The following UNC13B variants were observed in gnomAD, a reference collection of about 807,000 sequenced individuals.
The protein encoded by UNC13B is protein unc-13 homolog B.
In UNC13B, 144 loss-of-function variants were observed where a neutral mutation model predicts 211.0. The observed-to-expected ratio is 0.68, with a 90% CI of 0.60 to 0.78. The LOEUF (loss-of-function observed/expected upper bound fraction) is 0.78. Among genes scored for constraint, UNC13B ranks in the 30% least tolerant of loss-of-function variants. The pLI, the probability that UNC13B is intolerant of heterozygous loss-of-function variation, is 0.00. For synonymous variants in UNC13B, 709 were observed against 725.8 expected, an observed-to-expected ratio of 0.98 and a Z score of 0.37; for missense variants, 1,777 against 2,002.0, an observed-to-expected ratio of 0.89 and a Z score of 2.14.
chr9:35,303,561 C>T lies in UNC13B; in HGVS notation c.4157C>T (p.Ser1386Leu). ...YYMLNQNRFLSADACLWLDSE... is the reference protein window; with the variant it reads ...YYMLNQNRFLLADACLWLDSE... ...ATGTTAAATCAAAATAGATTTCTATCAGCCGATGCTTGCTTGTGGCTTGAC... is the reference window on the plus strand; with the variant it reads ...ATGTTAAATCAAAATAGATTTCTATTAGCCGATGCTTGCTTGTGGCTTGAC... The change falls in exon 9 of 40, where the codon TCA becomes TTA. Residue 1386 changes from serine to leucine, a missense_variant. By Grantham distance (145) the Ser-to-Leu change is moderately radical (BLOSUM62 -2). Transcript: ENST00000635942. 2 of 398,768 alleles carry T rather than the reference C, an allele frequency of 5.0e-6. No homozygotes were observed. Among genetic ancestry groups the T allele is most frequent in the East Asian group, 7.1e-5 (2 of 28,070 alleles). 24.7% of individuals were successfully genotyped at this position (398,768 alleles called of 1,614,324 possible).
At chr9:35,211,017 G>A (rs1177589208) in intron 1 of UNC13B, among the ~76,000 whole-genome samples, 1 of 152,126 alleles carries the variant, frequency 6.6e-6, no homozygotes, top group Non-Finnish European at 1.5e-5. Flanking sequence ...CTACAGGAGT[G>A]CAATACTGTG....
intron 26 of UNC13B, among the ~76,000 whole-genome samples, chr9:35,395,191 G>A (rs1835793302): frequency 6.6e-6 from 1 of 152,036 alleles, no homozygotes; most frequent in South Asian, 2.1e-4. Flanking sequence ...TCTGTCACAA[G>A]CAACCACTGT....
intron 11 of UNC13B, among the ~76,000 whole-genome samples, chr9:35,360,325 A>G (rs1017268859): frequency 1.3e-5 from 2 of 152,212 alleles, no homozygotes; most frequent in Non-Finnish European, 2.9e-5. Flanking sequence ...GTCTGTTAGG[A>G]ATTTTGGCTT....
intron 11 of UNC13B, among the ~76,000 whole-genome samples, chr9:35,328,643 CCTT>C (rs1831169392): frequency 1.8e-5 from 2 of 114,150 alleles, no homozygotes; most frequent in Non-Finnish European, 3.5e-5. Context: ...TTCCTTCCTT[CCTT>C]CCTTCCTTCC....
rs1386196974 is a variant in UNC13B at position 35,306,839 on chromosome 9, C to T, written c.7435C>T (p.Leu2479Phe). The T allele has an allele frequency of 2.5e-6, 1 of 398,942 alleles. No individual in the cohort carries two copies. Among genetic ancestry groups the T allele is most frequent in the Admixed American group, 4.4e-5 (1 of 22,710 alleles). 24.7% of individuals were successfully genotyped at this position (398,942 alleles called of 1,614,324 possible). A position where few individuals can be genotyped will look rare whatever the true frequency, so the allele number is the denominator to read the frequency against. The change falls in exon 9 of 40, where the codon CTC (leucine) becomes TTC (phenylalanine). Residue 2479 changes from leucine to phenylalanine, a missense_variant. Transcript: ENST00000635942. The stretch of plus-strand genomic sequence containing the variant: ...GAGCTTAATTGAACCTCCCAAAACA[C>T]TCTCTGGACTTTTCTCCTCTCCTAA... ...SGSLIEPPKTLSGLFSSPKSP... is the reference protein window; with the variant it reads ...SGSLIEPPKTFSGLFSSPKSP...
intron 5 of UNC13B, among the ~76,000 whole-genome samples, chr9:35,240,356 A>G (rs1293877034): frequency 6.6e-6 from 1 of 152,174 alleles, no homozygotes; most frequent in African/African-American, 2.4e-5. Flanking sequence ...TTATGATCTC[A>G]GTGTATTTGT....
intron 30 of UNC13B, 49 bp from the exon 31 acceptor site, chr9:35,398,162 T>A: frequency 6.3e-7 from 1 of 1,576,218 alleles, no homozygotes; most frequent in East Asian, 2.3e-5. Flanking sequence ...GGCTAATGGG[T>A]CCTATGCTGA....
At chr9:35,308,912 A>G (rs1830051245) in intron 9 of UNC13B, among the ~76,000 whole-genome samples, 1 of 152,216 alleles carries the variant, frequency 6.6e-6, no homozygotes, top group African/African-American at 2.4e-5. Context: ...AGCAAAATAC[A>G]AAGTGCAAAG....
At chr9:35,163,629 T>G (rs1415351960) in intron 1 of UNC13B, among the ~76,000 whole-genome samples, 1 of 152,232 alleles carries the variant, frequency 6.6e-6, no homozygotes, top group East Asian at 1.9e-4. Flanking sequence ...CTTGGACAGT[T>G]TAATTCTCTA....
intron 2 of UNC13B, among the ~76,000 whole-genome samples, chr9:35,229,020 A>G (rs1013446743): frequency 6.6e-6 from 1 of 152,116 alleles, no homozygotes; most frequent in African/African-American, 2.4e-5. Context: ...GTTCTCTTGC[A>G]AGTTTTTACT....
intron 7 of UNC13B, 41 bp from the exon 8 acceptor site, chr9:35,295,655 A>G (rs1471642615): frequency 1.3e-6 from 2 of 1,581,314 alleles, no homozygotes; most frequent in Non-Finnish European, 1.7e-6. Flanking sequence ...GAAGAACTAA[A>G]TAAAGCTGGG....
At position 35,396,949 on chromosome 9, in the gene UNC13B, G is replaced by T. The variant is rs200104920; in HGVS notation, c.11532+12G>T. ...ATAAGAAGGATGGAGTAAGTCAGGG[G>T]CTTTGGCTGCACCGGGTTCAGGCCA... On this transcript the variant is annotated intron_variant, in intron 28 of 39. Transcript: ENST00000635942. 3.3e-5 allele frequency: 54 copies of T among 1,613,908 alleles called. No individual in the cohort carries two copies. Among genetic ancestry groups the T allele is most frequent in the Non-Finnish European group, 4.2e-5 (50 of 1,179,906 alleles).
At chr9:35,343,493 C>T (rs1832149356) in intron 11 of UNC13B, among the ~76,000 whole-genome samples, 1 of 152,076 alleles carries the variant, frequency 6.6e-6, no homozygotes, top group African/African-American at 2.4e-5. Flanking sequence ...GTGAAAGGGT[C>T]AGGTGGAGAG....
intron 11 of UNC13B, among the ~76,000 whole-genome samples, chr9:35,324,592 G>A (rs978079708): frequency 2.6e-5 from 4 of 152,172 alleles, no homozygotes; most frequent in African/African-American, 4.8e-5. Flanking sequence ...TGATAACTTA[G>A]TGGTTGCTTT....
At chr9:35,164,021 C>A (rs574070070) in intron 1 of UNC13B, among the ~76,000 whole-genome samples, 4 of 152,118 alleles carry the variant, frequency 2.6e-5, no homozygotes, top group Non-Finnish European at 4.4e-5. Context: ...ATTTTTATTT[C>A]TTTTTCTTTT....
intron 6 of UNC13B, among the ~76,000 whole-genome samples, chr9:35,253,727 A>G (rs562631070): frequency 6.6e-6 from 1 of 152,280 alleles, no homozygotes; most frequent in East Asian, 1.9e-4. Context: ...CTCATGGGCA[A>G]TTAGGTTTTC....
intron 10 of UNC13B, among the ~76,000 whole-genome samples, chr9:35,312,598 A>T (rs1830231890): frequency 6.6e-6 from 1 of 152,162 alleles, no homozygotes; most frequent in Non-Finnish European, 1.5e-5. Context: ...ACCCAGTTCT[A>T]CCTTGGCCAG....
intron 11 of UNC13B, among the ~76,000 whole-genome samples, chr9:35,338,129 A>G (rs888991995): frequency 6.6e-6 from 1 of 152,208 alleles, no homozygotes; most frequent in Non-Finnish European, 1.5e-5. Context: ...AGAGGGCAGT[A>G]GACATATAGG....
rs920738426 is a variant in UNC13B at position 35,303,554 on chromosome 9, T to C, written c.4150T>C (p.Phe1384Leu). The change falls in exon 9 of 40, where the codon TTT (phenylalanine) becomes CTT (leucine). Residue 1384 changes from phenylalanine (F) to leucine (L), a missense_variant. Physicochemically the swap from Phe to Leu is conservative, Grantham distance 22. Coordinates refer to ENST00000635942, the MANE Select transcript of UNC13B (RefSeq NM_001371189.2). Reference sequence around the variant, plus strand: ...TTATTATATGTTAAATCAAAATAGATTTCTATCAGCCGATGCTTGCTTGTG... The same window carrying C: ...TTATTATATGTTAAATCAAAATAGACTTCTATCAGCCGATGCTTGCTTGTG... ...PVYYMLNQNR[F>L]LSADACLWLD... The C allele has an allele frequency of 1.3e-5, 5 of 398,632 alleles. No homozygotes were observed. The highest frequency in any genetic ancestry group is 2.2e-5 in the Non-Finnish European group (5 of 225,842). 24.7% of individuals were successfully genotyped at this position (398,632 alleles called of 1,614,324 possible). A position where few individuals can be genotyped will look rare whatever the true frequency, so the allele number is the denominator to read the frequency against.
Sources: allele counts gnomAD v4.1 joint callset (sites outside exome capture counted in the v4.1 genomes callset), GRCh38; gene constraint gnomAD v4.1.1; transcripts MANE v1.5; gene names NCBI Gene and HGNC (gene_info 2026-07-23, HGNC 2026-07-21).